PTPRD: variants seen among roughly 807,000 people sequenced by gnomAD.
The protein encoded by PTPRD is protein tyrosine phosphatase receptor type D.
PTPRD carries 34 observed loss-of-function variants against 214.5 expected under a neutral mutation model. The ratio of observed to expected loss-of-function variants is 0.16; its 90% CI spans 0.12 to 0.21. The LOEUF (loss-of-function observed/expected upper bound fraction) is 0.21. PTPRD is among the 10% of genes least tolerant of loss of function. The probability of loss-of-function intolerance (pLI) is 1.00; values close to 1 mark genes in which losing one functional copy is unlikely to be tolerated. For missense variants in PTPRD, 2,545 were observed against 2,398.7 expected (o/e 1.06, Z -1.27); for synonymous variants, 1,128 against 845.7 (o/e 1.33, Z -5.79).
At chr9:9,601,362 C>T (rs1384572312) in intron 7 of PTPRD, among the ~76,000 whole-genome samples, 1 of 151,936 alleles carries the variant, frequency 6.6e-6, no homozygotes, top group Non-Finnish European at 1.5e-5. Flanking sequence ...ACCTTCACAT[C>T]TGTACTCTGT....
rs1340683673 is a variant in PTPRD, at chr9:10,030,018, G to A, written c.-472+3700C>T. 2.0e-5 allele frequency among the ~76,000 whole-genome samples: 3 copies of A among 152,152 alleles called. No homozygotes were observed. In the South Asian group the frequency reaches 6.2e-4, roughly 31 times the overall value. On this transcript the variant is annotated intron_variant, in intron 4 of 45. Coordinates refer to ENST00000381196, the MANE Select transcript of PTPRD (RefSeq NM_002839.4). Reference sequence around the variant, plus strand: ...TCATAAGATCTGATGGTTTTTGAAAGAGTGGGATTTCACTGAAAAAGCTTT... The same window carrying A: ...TCATAAGATCTGATGGTTTTTGAAAAAGTGGGATTTCACTGAAAAAGCTTT...
chr9:9,369,798 G>A (rs1204304979), intron 9 of PTPRD, among the ~76,000 whole-genome samples: 1 of 152,118 alleles, frequency 6.6e-6, no homozygotes, highest in Admixed American at 6.6e-5. Flanking sequence ...TAAGGTGTAA[G>A]GAAGGGATCC....
intron 4 of PTPRD, among the ~76,000 whole-genome samples, chr9:10,010,762 T>C (rs2096581356): frequency 1.3e-5 from 2 of 152,088 alleles, no homozygotes; most frequent in East Asian, 3.9e-4. Flanking sequence ...ATTATGGTAA[T>C]GAGGAGACCA....
At chr9:8,587,745 T>A (rs1039113370) in intron 14 of PTPRD, among the ~76,000 whole-genome samples, 1 of 152,148 alleles carries the variant, frequency 6.6e-6, no homozygotes, top group Non-Finnish European at 1.5e-5. Flanking sequence ...ACAAAGAAAT[T>A]TGAAACATGT....
intron 3 of PTPRD, among the ~76,000 whole-genome samples, chr9:10,309,257 AT>A (rs1394435520): frequency 6.6e-6 from 1 of 151,824 alleles, no homozygotes; most frequent in African/African-American, 2.4e-5. Flanking sequence ...TCCTTTTCTT[AT>A]TTTCTTCTTC....
At chr9:10,481,955 A>C (rs982845070) in intron 2 of PTPRD, among the ~76,000 whole-genome samples, 2 of 152,178 alleles carry the variant, frequency 1.3e-5, no homozygotes, top group Non-Finnish European at 2.9e-5. Context: ...TATATTTAAG[A>C]CTTAGACTTT....
intron 3 of PTPRD, among the ~76,000 whole-genome samples, chr9:10,054,943 T>C (rs1465455132): frequency 2.6e-5 from 4 of 151,986 alleles, no homozygotes; most frequent in Non-Finnish European, 5.9e-5. Flanking sequence ...GACGATGTCA[T>C]GAGTGCTGGG....
chr9:8,633,875 T>C (rs2096339774), intron 13 of PTPRD, among the ~76,000 whole-genome samples: 1 of 152,054 alleles, frequency 6.6e-6, no homozygotes, highest in Admixed American at 6.6e-5. Context: ...GGTGAAGAAT[T>C]AATGCATGCC....
At chr9:8,322,630 A>AC (rs1394500701) in intron 44 of PTPRD, among the ~76,000 whole-genome samples, 24 of 151,154 alleles carry the variant, frequency 1.6e-4, no homozygotes, top group Non-Finnish European at 4.4e-5. Flanking sequence ...AAGGAAGCCA[A>AC]CCCCATAACA....
At chr9:8,770,909 G>A (rs2095155193) in intron 11 of PTPRD, among the ~76,000 whole-genome samples, 2 of 152,148 alleles carry the variant, frequency 1.3e-5, no homozygotes, top group Admixed American at 1.3e-4. Flanking sequence ...GCCAGGCGTG[G>A]TGGCTCACGC....
intron 8 of PTPRD, among the ~76,000 whole-genome samples, chr9:9,568,912 A>G (rs1246122972): frequency 2.0e-5 from 3 of 151,786 alleles, no homozygotes; most frequent in African/African-American, 7.2e-5. Flanking sequence ...ATACTAGCCC[A>G]ATGCTTAGTA....
chr9:10,568,122 C>G (rs1412409962), intron 2 of PTPRD, among the ~76,000 whole-genome samples: 18 of 146,640 alleles, frequency 1.2e-4, no homozygotes, highest in Non-Finnish European at 1.6e-4. Flanking sequence ...CCCCCTCCCC[C>G]CAGCCCACAA....
intron 30 of PTPRD, 79 bp downstream of exon 30, chr9:8,484,040 G>T (rs1389119195): frequency 4.6e-6 from 7 of 1,508,632 alleles, no homozygotes; most frequent in Middle Eastern, 2.3e-4. Flanking sequence ...CTTCTTTTAC[G>T]ACCTCTATAA....
At chr9:10,285,852 G>A (rs1286787094) in intron 3 of PTPRD, among the ~76,000 whole-genome samples, 1 of 151,770 alleles carries the variant, frequency 6.6e-6, no homozygotes, top group African/African-American at 2.4e-5. Flanking sequence ...CTCGCGATCC[G>A]CCCGCCTCGG....
At chr9:10,160,942 G>C (rs953378059) in intron 3 of PTPRD, among the ~76,000 whole-genome samples, 2 of 151,668 alleles carry the variant, frequency 1.3e-5, no homozygotes. Flanking sequence ...ATATGAAATA[G>C]AAATCAATAA....
At chr9:9,356,707 G>C (rs557866534) in intron 9 of PTPRD, among the ~76,000 whole-genome samples, 1 of 151,500 alleles carries the variant, frequency 6.6e-6, no homozygotes, top group Admixed American at 6.6e-5. Flanking sequence ...ACCCATGTTT[G>C]AGTTTCAAGT....
chr9:10,025,566 CTT>C (rs2096908058), intron 4 of PTPRD, among the ~76,000 whole-genome samples: 1 of 152,158 alleles, frequency 6.6e-6, no homozygotes, highest in Admixed American at 6.5e-5. Context: ...TTCAGACTCT[CTT>C]GGTACATATA....
chr9:8,504,232 G>T lies in PTPRD; in HGVS notation c.1822+29C>A, dbSNP rs779666813. On this transcript the variant is annotated intron_variant, in intron 23 of 45. Coordinates refer to ENST00000381196, the MANE Select transcript of PTPRD (RefSeq NM_002839.4). Reference sequence around the variant, plus strand: ...AACATCTCCCCGAGGAAATAAAAAGGCAGAAAGTAAGCAAAGAGAGACACC... The same window carrying T: ...AACATCTCCCCGAGGAAATAAAAAGTCAGAAAGTAAGCAAAGAGAGACACC... 6 of 1,612,682 alleles carry T rather than the reference G, an allele frequency of 3.7e-6. No homozygotes were observed. The African/African-American group carries it at 5.3e-5, about 14-fold the overall frequency.
chr9:9,049,688 G>C (rs1421316491), intron 10 of PTPRD, among the ~76,000 whole-genome samples: 1 of 152,110 alleles, frequency 6.6e-6, no homozygotes, highest in East Asian at 1.9e-4. Flanking sequence ...CTATACCTCA[G>C]GAACTTACAT....
Sources: gnomAD v4.1 joint callset for allele counts (sites outside exome capture counted in the v4.1 genomes callset) on GRCh38, gnomAD v4.1.1 for gene constraint, MANE v1.5 for transcripts, NCBI Gene and HGNC (gene_info 2026-07-23, HGNC 2026-07-21) for gene names.